The following TRABD2B variants were observed in gnomAD, a reference collection of about 807,000 sequenced individuals.
TRABD2B encodes TraB domain containing 2B.
Under a neutral mutation model 40.1 loss-of-function variants are expected in TRABD2B, and 14 were observed. The ratio of observed to expected loss-of-function variants is 0.35; its 90% CI spans 0.23 to 0.55. The LOEUF (loss-of-function observed/expected upper bound fraction) is 0.55. TRABD2B is among the 20% of genes least tolerant of loss of function. The pLI is 0.90. For missense variants in TRABD2B, 541 were observed against 648.6 expected (o/e 0.83, Z 1.80); for synonymous variants, 263 against 277.0 (o/e 0.95, Z 0.50).
chr1:47,825,943 C>T (rs1645168326), intron 2 of TRABD2B, among the ~76,000 whole-genome samples: 1 of 152,240 alleles, frequency 6.6e-6, no homozygotes, highest in Non-Finnish European at 1.5e-5. Context: ...TTGGTTTCCT[C>T]ATCTGTTCAA....
chr1:47,872,600 G>A (rs1644160322), intron 2 of TRABD2B, among the ~76,000 whole-genome samples: 1 of 152,206 alleles, frequency 6.6e-6, no homozygotes, highest in South Asian at 2.1e-4. Flanking sequence ...TATAGATGGT[G>A]AGAGAATGAA....
rs575414731 is a variant in TRABD2B, at chr1:47,836,560, T to C, written c.667-34941A>G. Among the ~76,000 whole-genome samples the C allele has an allele frequency of 3.9e-5, 6 of 152,372 alleles. No individual in the cohort carries two copies. In the East Asian group the frequency reaches 1.2e-3, roughly 29 times the overall value. ...TGGCATATAGTAGGTATCCAATAAA[T>C]GTTGGTATCCAAGAAATGTTGGCGA... On this transcript the variant is annotated intron_variant, in intron 2 of 6. Transcript: ENST00000606738.
intron 4 of TRABD2B, among the ~76,000 whole-genome samples, chr1:47,793,019 C>T (rs1238694502): frequency 6.6e-6 from 1 of 152,084 alleles, no homozygotes. Flanking sequence ...GTCCTCAAAG[C>T]TGTCCTGACT....
chr1:47,926,362 G>C (rs755362325), intron 2 of TRABD2B, among the ~76,000 whole-genome samples: 2 of 152,100 alleles, frequency 1.3e-5, no homozygotes, highest in Non-Finnish European at 2.9e-5. Context: ...AGATCTGCCC[G>C]GGCCAAGTCA....
chr1:47,941,307 G>A (rs1203674750), intron 2 of TRABD2B, among the ~76,000 whole-genome samples: 1 of 152,002 alleles, frequency 6.6e-6, no homozygotes, highest in Non-Finnish European at 1.5e-5. Flanking sequence ...ACCCCATCCT[G>A]ATAAGCACAC....
intron 2 of TRABD2B, among the ~76,000 whole-genome samples, chr1:47,891,631 T>C (rs983805796): frequency 7.2e-5 from 11 of 152,112 alleles, no homozygotes; most frequent in Non-Finnish European, 1.2e-4. Context: ...ACCCCATCTT[T>C]ACAAAAAATA....
chr1:47,978,096 C>T (rs371967363), intron 2 of TRABD2B, among the ~76,000 whole-genome samples: 2 of 152,134 alleles, frequency 1.3e-5, no homozygotes, highest in Admixed American at 1.3e-4. Context: ...CCCAATGTGA[C>T]GGTATTAGGA....
intron 2 of TRABD2B, among the ~76,000 whole-genome samples, chr1:47,976,437 C>T (rs1645756602): frequency 6.6e-6 from 1 of 152,130 alleles, no homozygotes; most frequent in Non-Finnish European, 1.5e-5. Context: ...TATCTGTCAC[C>T]TTCCAGGCAT....
chr1:47,812,199 A>G (rs146251943), intron 2 of TRABD2B, among the ~76,000 whole-genome samples: 116 of 152,356 alleles, frequency 7.6e-4, no homozygotes, highest in African/African-American at 2.6e-3. Context: ...ATAATAAAAC[A>G]TACTGGAAAG....
intron 2 of TRABD2B, among the ~76,000 whole-genome samples, chr1:47,823,082 C>T (rs770725527): frequency 3.9e-5 from 6 of 152,236 alleles, no homozygotes; most frequent in Non-Finnish European, 7.3e-5. Context: ...AGAGATGGGG[C>T]CGGCCTGGCA....
chr1:47,781,931 C>G (rs538486779), intron 4 of TRABD2B, among the ~76,000 whole-genome samples: 1 of 152,248 alleles, frequency 6.6e-6, no homozygotes, highest in Non-Finnish European at 1.5e-5. Flanking sequence ...CTCTGTACTT[C>G]TCTCACTGCC....
At chr1:47,909,487 A>G (rs982829224) in intron 2 of TRABD2B, among the ~76,000 whole-genome samples, 2 of 65,360 alleles carry the variant, frequency 3.1e-5, no homozygotes, top group Admixed American at 1.4e-4. Context: ...AAGGAGAAGG[A>G]GAAGGAGGAG....
chr1:47,781,075 G>A (rs955909369), intron 4 of TRABD2B, among the ~76,000 whole-genome samples: 6 of 152,210 alleles, frequency 3.9e-5, no homozygotes, highest in Non-Finnish European at 7.3e-5. Flanking sequence ...GACAGTCCCC[G>A]GCAGGGCGGG....
chr1:47,932,128 T>C (rs994331094), intron 2 of TRABD2B, among the ~76,000 whole-genome samples: 1 of 151,920 alleles, frequency 6.6e-6, no homozygotes, highest in African/African-American at 2.4e-5. Context: ...CCAAGAAGAG[T>C]TGCAGAGTGA....
intron 2 of TRABD2B, among the ~76,000 whole-genome samples, chr1:47,860,644 G>A (rs1443995057): frequency 1.3e-5 from 2 of 152,162 alleles, no homozygotes; most frequent in African/African-American, 2.4e-5. Flanking sequence ...TGTCTTTGCC[G>A]AAATTCATGT....
chr1:47,772,596 G>A (rs1038174312), intron 6 of TRABD2B, among the ~76,000 whole-genome samples: 1 of 152,112 alleles, frequency 6.6e-6, no homozygotes, highest in Admixed American at 6.5e-5. Context: ...TGGCTCCAAT[G>A]GGGTTTCGGA....
At chr1:47,785,119 AGTTCTGG>A (rs1358173592) in intron 4 of TRABD2B, among the ~76,000 whole-genome samples, 2 of 152,190 alleles carry the variant, frequency 1.3e-5, no homozygotes, top group African/African-American at 4.8e-5. Flanking sequence ...GGCCAACAGC[AGTTCTGG>A]GTTGCAGTAA....
chr1:47,881,952 C>G (rs866220782), intron 2 of TRABD2B, among the ~76,000 whole-genome samples: 2 of 152,204 alleles, frequency 1.3e-5, no homozygotes, highest in African/African-American at 4.8e-5. Context: ...TTGGGCAGGG[C>G]TCAGAGCCAC....
intron 2 of TRABD2B, among the ~76,000 whole-genome samples, chr1:47,917,201 C>T (rs1346455750): frequency 5.9e-5 from 9 of 152,192 alleles, no homozygotes; most frequent in African/African-American, 2.2e-4. Flanking sequence ...AGGCCCTGGG[C>T]AGGCAGTCCA....
Sources: allele counts gnomAD v4.1 joint callset (sites outside exome capture counted in the v4.1 genomes callset), GRCh38; gene constraint gnomAD v4.1.1; transcripts MANE v1.5; gene names NCBI Gene and HGNC (gene_info 2026-07-23, HGNC 2026-07-21).